Variants in COL11A1 observed in about 807,000 individuals in gnomAD.
COL11A1 encodes collagen type XI alpha 1 chain.
A neutral mutation model predicts 265.2 loss-of-function variants in COL11A1; 74 were observed. That is an observed-to-expected ratio of 0.28 (90% confidence interval 0.23 to 0.34). The LOEUF (loss-of-function observed/expected upper bound fraction) is 0.34, where lower values mean the gene tolerates loss of function less well. COL11A1 is among the 10% of genes least tolerant of loss of function. The probability of loss-of-function intolerance (pLI) is 1.00; values close to 1 mark genes in which losing one functional copy is unlikely to be tolerated. For missense variants in COL11A1, 2,165 were observed against 2,263.6 expected (o/e 0.96, Z 0.88); for synonymous variants, 816 against 727.6 (o/e 1.12, Z -1.96).
intron 54 of COL11A1, among the ~76,000 whole-genome samples, chr1:102,909,881 A>T (rs1459963369): frequency 6.6e-6 from 1 of 151,548 alleles, no homozygotes; most frequent in Non-Finnish European, 1.5e-5. Context: ...AAAGTAATAA[A>T]CACAAATATA....
intron 54 of COL11A1, among the ~76,000 whole-genome samples, chr1:102,901,880 T>C (rs1350695221): frequency 6.6e-6 from 1 of 152,212 alleles, no homozygotes; most frequent in Non-Finnish European, 1.5e-5. Flanking sequence ...CAGAATGTGC[T>C]ATGCATATAC....
chr1:102,984,555 A>G lies in COL11A1; in HGVS notation c.2503-364T>C, dbSNP rs1031787857. ...CATTAAATACTATTTTAAATTAGTG[A>G]TGTAACTGGCACAATATTTAGATTT... is the stretch of plus-strand genomic sequence containing the variant. On this transcript the variant is annotated intron_variant, in intron 30 of 66. Transcript: ENST00000370096. 3.3e-5 allele frequency among the ~76,000 whole-genome samples: 5 copies of G among 152,026 alleles called. No individual in the cohort carries two copies. The East Asian group carries it at 9.6e-4, about 29-fold the overall frequency.
intron 9 of COL11A1, among the ~76,000 whole-genome samples, chr1:103,020,617 T>G (rs374171636): frequency 2.2e-4 from 15 of 66,686 alleles, no homozygotes; most frequent in African/African-American, 3.9e-4. Flanking sequence ...GTCAATTTTG[T>G]CTTTTGTTGC....
chr1:102,980,647 A>ACG lies in COL11A1; in HGVS notation c.2557-1213_2557-1212insCG, dbSNP rs1216376459. Among the ~76,000 whole-genome samples, 6 of 6,856 alleles carry ACG rather than the reference A, an allele frequency of 8.8e-4. No individual in the cohort carries two copies. In the Non-Finnish European group the frequency reaches 0.011, roughly 12 times the overall value. The allele number at this position is 6,856 out of a possible 152,430, so 4.5% of individuals were successfully genotyped here. A position where few individuals can be genotyped will look rare whatever the true frequency, so the allele number is the denominator to read the frequency against. ...TAACAAAGCCTTGTTTGACTTGAAT[A>ACG]CACCTTTCTTTTTTTAATCCACTCA... On this transcript the variant is annotated intron_variant, in intron 31 of 66. Coordinates refer to ENST00000370096, the MANE Select transcript of COL11A1 (RefSeq NM_001854.4).
At chr1:102,951,045 G>A (rs1265737914) in intron 41 of COL11A1, among the ~76,000 whole-genome samples, 8 of 152,078 alleles carry the variant, frequency 5.3e-5, no homozygotes, top group African/African-American at 1.9e-4. Context: ...CCCCAGCCGT[G>A]CTGTACTGTG....
rs181942311 is a variant in COL11A1, at chr1:103,000,554, G to C, written c.2142+1371C>G. 1.5e-3 allele frequency among the ~76,000 whole-genome samples: 231 copies of C among 151,976 alleles called. 1 individual carries two copies. Among genetic ancestry groups the C allele is most frequent in the Middle Eastern group, 0.01 (3 of 294 alleles). ...GGAAAATGCAAATTACAACCACAAT[G>C]AGATAACATTTCACACCAACGAGAA... On this transcript the variant is annotated intron_variant, in intron 24 of 66. Coordinates refer to ENST00000370096, the MANE Select transcript of COL11A1 (RefSeq NM_001854.4).
At chr1:102,882,846 T>G (rs1007290469) in intron 64 of COL11A1, among the ~76,000 whole-genome samples, 4 of 152,164 alleles carry the variant, frequency 2.6e-5, no homozygotes, top group Admixed American at 2.6e-4. Context: ...TTAGATATTT[T>G]GGGTGTAATA....
intron 46 of COL11A1, among the ~76,000 whole-genome samples, chr1:102,930,013 G>A (rs1314517272): frequency 2.0e-5 from 3 of 152,090 alleles, no homozygotes; most frequent in African/African-American, 7.2e-5. Context: ...GGGTTTTCTA[G>A]ATATACAATC....
At chr1:103,062,192 ACTTT>A (rs1292210584) in intron 4 of COL11A1, among the ~76,000 whole-genome samples, 1 of 151,968 alleles carries the variant, frequency 6.6e-6, no homozygotes, top group Non-Finnish European at 1.5e-5. Context: ...AAATTAATAA[ACTTT>A]CTAAAGAGAA....
chr1:103,001,949 A>C lies in COL11A1; in HGVS notation c.2118T>G (p.Gly706=). The C allele has an allele frequency of 6.2e-7, 1 of 1,613,232 alleles. No homozygotes were observed. Among genetic ancestry groups the C allele is most frequent in the Non-Finnish European group, 8.5e-7 (1 of 1,179,274 alleles). Residue 706 remains glycine (G), a synonymous_variant, in exon 24 of 67, where the codon GGT becomes GGG. Coordinates refer to ENST00000370096, the MANE Select transcript of COL11A1 (RefSeq NM_001854.4). ...CTTTTTCACCAGGAGGACCAATTGG[A>C]CCTTGTGGACCAGGAAGACCCTATT... ...PGPQGLPGPQ[G]PIGPPGEKGP... is the part of the protein sequence containing the mutation.
chr1:103,007,585 C>T (rs532822798), intron 15 of COL11A1, among the ~76,000 whole-genome samples: 87 of 152,122 alleles, frequency 5.7e-4, no homozygotes, highest in Non-Finnish European at 8.8e-4. Flanking sequence ...AGACCCAGCG[C>T]GGTGAATCAT....
chr1:102,883,681 A>T (rs1360811177), intron 63 of COL11A1, among the ~76,000 whole-genome samples: 1 of 152,168 alleles, frequency 6.6e-6, no homozygotes, highest in African/African-American at 2.4e-5. Context: ...TCTCATAAGT[A>T]TTATTTACTA....
chr1:102,913,495 T>G, intron 53 of COL11A1, 142 bp downstream of exon 53: 1 of 709,806 alleles, frequency 1.4e-6, no homozygotes, highest in South Asian at 1.7e-5. Flanking sequence ...TAATGGGAAT[T>G]CAAAAATTTT....
chr1:102,890,367 T>C (rs1015580822), intron 58 of COL11A1, 84 bp downstream of exon 58: 9 of 1,258,844 alleles, frequency 7.1e-6, no homozygotes, highest in East Asian at 2.6e-5. Context: ...AAATTTTCTT[T>C]TGAATGATTT....
chr1:102,998,937 C>G (rs1664875880), intron 24 of COL11A1, among the ~76,000 whole-genome samples: 2 of 151,836 alleles, frequency 1.3e-5, no homozygotes, highest in Admixed American at 6.6e-5. Context: ...ACAGATTAAT[C>G]CCTGTTTAAC....
At chr1:103,101,206 T>A (rs142216245) in intron 1 of COL11A1, among the ~76,000 whole-genome samples, 81 of 151,968 alleles carry the variant, frequency 5.3e-4, no homozygotes, top group African/African-American at 1.9e-3. Flanking sequence ...ATGGCTGGTC[T>A]TGAGCCTGGA....
In COL11A1 at chr1:103,006,097, T is replaced by G. The variant is rs1557934949; in HGVS notation, c.1762A>C (p.Arg588=). The change falls in exon 17 of 67, where the codon AGA becomes CGA. Residue 588 remains arginine, a synonymous_variant. Coordinates refer to ENST00000370096, the MANE Select transcript of COL11A1 (RefSeq NM_001854.4). ...GCCCCAGGTTCTCCTGGCATTCCTC[T>G]TCCTCCATCTGCACCTGGACGACCC... The part of the protein sequence containing the change: ...KRGRPGADGG[R]GMPGEPGAKG... 30 of 1,613,944 alleles carry G rather than the reference T, an allele frequency of 1.9e-5. No homozygotes were observed. Among genetic ancestry groups the G allele is most frequent in the Non-Finnish European group, 2.5e-5 (30 of 1,179,938 alleles).
At chr1:102,911,352 A>G (rs965302577) in intron 54 of COL11A1, among the ~76,000 whole-genome samples, 1 of 152,266 alleles carries the variant, frequency 6.6e-6, no homozygotes, top group Middle Eastern at 3.4e-3. Flanking sequence ...TGTGAAAAAT[A>G]CCCCTGAAAT....
intron 48 of COL11A1, 109 bp from the exon 49 acceptor site, chr1:102,920,473 C>G (rs1376233646): frequency 1.1e-6 from 1 of 915,006 alleles, no homozygotes; most frequent in Non-Finnish European, 1.8e-6. Flanking sequence ...CATGAGTATT[C>G]TTAGTCATTT....
Sources: gnomAD v4.1 joint callset for allele counts (sites outside exome capture counted in the v4.1 genomes callset) on GRCh38, gnomAD v4.1.1 for gene constraint, MANE v1.5 for transcripts, NCBI Gene and HGNC (gene_info 2026-07-23, HGNC 2026-07-21) for gene names.